Variants in SGCZ observed in about 807,000 individuals in gnomAD.
SGCZ encodes zeta-sarcoglycan.
In SGCZ, 40 loss-of-function variants were observed where a neutral mutation model predicts 41.3. The ratio of observed to expected loss-of-function variants is 0.97; its 90% CI spans 0.75 to 1.26. The LOEUF (loss-of-function observed/expected upper bound fraction) is 1.26. SGCZ is among the 50% of genes most tolerant of loss of function. The pLI, the probability that SGCZ is intolerant of heterozygous loss-of-function variation, is 0.00. For synonymous variants in SGCZ, 206 were observed against 137.5 expected (o/e 1.50, Z -3.49); for missense variants, 552 against 369.8 (o/e 1.49, Z -4.04).
chr8:14,436,186 T>C (rs563440472), intron 2 of SGCZ, among the ~76,000 whole-genome samples: 34 of 152,248 alleles, frequency 2.2e-4, no homozygotes, highest in South Asian at 4.1e-4. Context: ...AGTGTTCCTA[T>C]TGGCCAAATC....
At chr8:14,132,045 G>T (rs1338988913) in intron 5 of SGCZ, among the ~76,000 whole-genome samples, 4 of 151,990 alleles carry the variant, frequency 2.6e-5, no homozygotes, top group African/African-American at 4.8e-5. Context: ...ATTGTATTTT[G>T]CCCCTTTCTT....
At chr8:14,224,101 G>C (rs1051572173) in intron 4 of SGCZ, among the ~76,000 whole-genome samples, 3 of 152,076 alleles carry the variant, frequency 2.0e-5, no homozygotes, top group African/African-American at 7.2e-5. Flanking sequence ...GGTACCCTTA[G>C]CTCAAACTTA....
chr8:14,321,507 T>C (rs554419251), intron 3 of SGCZ, among the ~76,000 whole-genome samples: 41 of 151,154 alleles, frequency 2.7e-4, no homozygotes, highest in Non-Finnish European at 5.0e-4. Flanking sequence ...TTTATTATCT[T>C]TCCATGTGTA....
At chr8:14,803,787 A>T (rs1563281071) in intron 1 of SGCZ, among the ~76,000 whole-genome samples, 1 of 148,436 alleles carries the variant, frequency 6.7e-6, no homozygotes, top group Non-Finnish European at 1.5e-5. Context: ...GGCACAGACA[A>T]ACAAAAAGAC....
At chr8:14,531,458 A>G (rs1318351978) in intron 2 of SGCZ, among the ~76,000 whole-genome samples, 3 of 152,050 alleles carry the variant, frequency 2.0e-5, no homozygotes, top group Non-Finnish European at 4.4e-5. Context: ...CTGAGCTACC[A>G]GAGTGAAGAA....
chr8:15,162,881 A>G (rs1043349948), intron 1 of SGCZ, among the ~76,000 whole-genome samples: 2 of 152,356 alleles, frequency 1.3e-5, no homozygotes, highest in Admixed American at 6.5e-5. Context: ...AAATCATGAA[A>G]CTGCAGAAAC....
chr8:14,936,896 A>T (rs1364972143), intron 1 of SGCZ, among the ~76,000 whole-genome samples: 4 of 151,938 alleles, frequency 2.6e-5, no homozygotes, highest in African/African-American at 9.6e-5. Context: ...ATACACTAAA[A>T]TGATATTTAT....
At chr8:14,329,194 A>G (rs1223552066) in intron 2 of SGCZ, among the ~76,000 whole-genome samples, 2 of 152,188 alleles carry the variant, frequency 1.3e-5, no homozygotes, top group Non-Finnish European at 2.9e-5. Flanking sequence ...GAAATCAGAC[A>G]TTTAGGGTTT....
Position 14,923,098 on chromosome 8 carries a change from C to T in SGCZ, c.39+314487G>A, listed in dbSNP as rs565965994. ...TAAACTGAAATTTTACAGCTAGTGT[C>T]TGCAAAGTCATCTCCTGACAGGAAA... On this transcript the variant is annotated intron_variant, in intron 1 of 7. Transcript: ENST00000382080. Among the ~76,000 whole-genome samples, 842 of 152,218 alleles carry T rather than the reference C, an allele frequency of 5.5e-3. 9 individuals are homozygous for T. The highest frequency in any genetic ancestry group is 0.019 in the African/African-American group (796 of 41,548).
intron 1 of SGCZ, among the ~76,000 whole-genome samples, chr8:14,587,081 G>C (rs1020627292): frequency 2.7e-5 from 4 of 149,464 alleles, no homozygotes; most frequent in African/African-American, 9.9e-5. Context: ...TTACAACCAA[G>C]AGAACAATTT....
intron 2 of SGCZ, among the ~76,000 whole-genome samples, chr8:14,341,675 C>A (rs1306751938): frequency 6.6e-6 from 1 of 152,072 alleles, no homozygotes; most frequent in Non-Finnish European, 1.5e-5. Context: ...AGGAGGGACC[C>A]AAGAGGAAGT....
chr8:14,978,237 G>T (rs1801544919), intron 1 of SGCZ, among the ~76,000 whole-genome samples: 1 of 151,490 alleles, frequency 6.6e-6, no homozygotes, highest in Admixed American at 6.6e-5. Flanking sequence ...GGAGGCTGAG[G>T]GGGGTGGATC....
At chr8:14,159,318 T>C (rs922692668) in intron 5 of SGCZ, among the ~76,000 whole-genome samples, 5 of 152,196 alleles carry the variant, frequency 3.3e-5, no homozygotes, top group Admixed American at 6.5e-5. Flanking sequence ...TCACCTGTTA[T>C]TTAATTATAT....
At chr8:14,509,388 G>A (rs548838497) in intron 2 of SGCZ, among the ~76,000 whole-genome samples, 2 of 152,128 alleles carry the variant, frequency 1.3e-5, no homozygotes, top group African/African-American at 4.8e-5. Context: ...TAAAATGACA[G>A]AAAATGATAT....
intron 1 of SGCZ, among the ~76,000 whole-genome samples, chr8:14,613,844 A>C (rs1397699074): frequency 6.6e-6 from 1 of 152,198 alleles, no homozygotes; most frequent in East Asian, 1.9e-4. Context: ...CAACCAATTC[A>C]CATTATCTAC....
intron 1 of SGCZ, among the ~76,000 whole-genome samples, chr8:14,975,749 A>G (rs897847344): frequency 6.7e-6 from 1 of 150,186 alleles, no homozygotes; most frequent in Non-Finnish European, 1.5e-5. Context: ...TTTTTACCTT[A>G]TTGACAATAT....
At chr8:14,436,778 T>G (rs764356825) in intron 2 of SGCZ, among the ~76,000 whole-genome samples, 2 of 152,220 alleles carry the variant, frequency 1.3e-5, no homozygotes, top group African/African-American at 4.8e-5. Context: ...CATTTCTGCT[T>G]TAGTACATTG....
intron 1 of SGCZ, among the ~76,000 whole-genome samples, chr8:14,964,989 C>A (rs1462964920): frequency 6.6e-6 from 1 of 152,084 alleles, no homozygotes; most frequent in African/African-American, 2.4e-5. Context: ...TACCTTTTAC[C>A]CACTCAGTTC....
intron 1 of SGCZ, among the ~76,000 whole-genome samples, chr8:14,861,004 C>T (rs958139237): frequency 5.9e-5 from 9 of 152,138 alleles, no homozygotes; most frequent in African/African-American, 2.2e-4. Flanking sequence ...CTTGCCTTCG[C>T]GTTTAAGTTT....
Sources: allele counts gnomAD v4.1 joint callset (sites outside exome capture counted in the v4.1 genomes callset), GRCh38; gene constraint gnomAD v4.1.1; transcripts MANE v1.5; gene names NCBI Gene and HGNC (gene_info 2026-07-23, HGNC 2026-07-21).